Variants in CD109 observed in about 807,000 individuals in gnomAD.
CD109 encodes CD109 molecule, also known as CD109 antigen.
A neutral mutation model predicts 165.8 loss-of-function variants in CD109; 149 were observed. The ratio of observed to expected loss-of-function variants is 0.90; its 90% CI spans 0.79 to 1.03. CD109 has a LOEUF of 1.03. CD109 is among the 50% of genes least tolerant of loss of function. The pLI, the probability that CD109 is intolerant of heterozygous loss-of-function variation, is 0.00. For synonymous variants in CD109, 585 were observed against 592.1 expected (o/e 0.99, Z 0.18); for missense variants, 1,712 against 1,677.8 (o/e 1.02, Z -0.36).
At chr6:73,767,695 A>G (rs1029862681) in intron 13 of CD109, among the ~76,000 whole-genome samples, 6 of 152,168 alleles carry the variant, frequency 3.9e-5, no homozygotes, top group Admixed American at 2.6e-4. Context: ...ATATATATTC[A>G]TTATAGAAAA....
intron 15 of CD109, among the ~76,000 whole-genome samples, chr6:73,778,033 A>G (rs1219117983): frequency 6.6e-6 from 1 of 152,232 alleles, no homozygotes; most frequent in African/African-American, 2.4e-5. Context: ...GATTCTTCCT[A>G]TCCATGAGCA....
chr6:73,717,117 A>G (rs1441985257), intron 2 of CD109, among the ~76,000 whole-genome samples: 1 of 151,932 alleles, frequency 6.6e-6, no homozygotes, highest in Non-Finnish European at 1.5e-5. Flanking sequence ...TGGCTTCTCT[A>G]TTGTGTTCCA....
intron 6 of CD109, among the ~76,000 whole-genome samples, 155 bp downstream of exon 6, chr6:73,756,837 T>C (rs915827570): frequency 6.6e-6 from 1 of 152,172 alleles, no homozygotes; most frequent in African/African-American, 2.4e-5. Context: ...TTTTTTTCCT[T>C]TGTAAAAATT....
chr6:73,695,703 T>C (rs189541744), upstream of CD109: 906 of 157,596 alleles, frequency 5.7e-3, 6 homozygotes, highest in Middle Eastern at 0.041. Context: ...CGTGCGTGTG[T>C]GTGTGCGTGT....
At chr6:73,741,486 A>C (rs962352693) in intron 5 of CD109, among the ~76,000 whole-genome samples, 2 of 152,124 alleles carry the variant, frequency 1.3e-5, no homozygotes, top group Non-Finnish European at 2.9e-5. Context: ...TGAGTGTGGG[A>C]ATATGTTCTG....
chr6:73,750,371 G>A (rs1453727035), intron 5 of CD109, among the ~76,000 whole-genome samples: 1 of 152,184 alleles, frequency 6.6e-6, no homozygotes, highest in Non-Finnish European at 1.5e-5. Flanking sequence ...AGAACAGCCA[G>A]TTTTGGGAAG....
At chr6:73,753,263 C>T (rs1000347579) in intron 5 of CD109, among the ~76,000 whole-genome samples, 5 of 152,154 alleles carry the variant, frequency 3.3e-5, no homozygotes, top group African/African-American at 1.2e-4. Context: ...GAAAAGTTTG[C>T]AGATCCCTGT....
rs1775583628 is a variant in CD109 at position 73,806,844 on chromosome 6, G to T, written c.2961G>T (p.Trp987Cys). The T allele has an allele frequency of 3.7e-6, 6 of 1,610,514 alleles. No individual in the cohort carries two copies. The highest frequency in any genetic ancestry group is 4.2e-6 in the Non-Finnish European group (5 of 1,177,782). The change falls in exon 25 of 33, where the codon TGG (tryptophan) becomes TGT (cysteine). Residue 987 changes from tryptophan (W) to cysteine (C), a missense_variant and splice_region_variant. Physicochemically the swap from Trp to Cys is radical, Grantham distance 215. Transcript: ENST00000287097. Reference sequence around the variant, plus strand: ...GTAATTTTTTTCTCTTTTCATAAAGGTTGTCAGCTTTTGTTTTAAGATGTT... The same window carrying T: ...GTAATTTTTTTCTCTTTTCATAAAGTTTGTCAGCTTTTGTTTTAAGATGTT... ...FGNYDPSGSTWLSAFVLRCFL... is the reference protein window; with the variant it reads ...FGNYDPSGSTCLSAFVLRCFL...
intron 24 of CD109, among the ~76,000 whole-genome samples, chr6:73,803,697 G>GTA (rs1238011401): frequency 6.6e-6 from 1 of 151,884 alleles, no homozygotes; most frequent in African/African-American, 2.4e-5. Flanking sequence ...GTTTGTGTGT[G>GTA]TGTGTGTGTG....
In CD109 at chr6:73,730,334, T is replaced by C. The variant is rs1177333799; in HGVS notation, c.277-10T>C. On this transcript the variant is annotated splice_polypyrimidine_tract_variant and intron_variant, in intron 3 of 32. Transcript: ENST00000287097. ...TGAGACCTTGATGTGTGATCTCTTTTTCCCCCCAGCTACCTCTGAACAGTG... is the reference window on the plus strand; with the variant it reads ...TGAGACCTTGATGTGTGATCTCTTTCTCCCCCCAGCTACCTCTGAACAGTG... 9 of 1,552,848 alleles carry C rather than the reference T, an allele frequency of 5.8e-6. No individual in the cohort carries two copies. The highest frequency in any genetic ancestry group is 5.3e-5 in the Admixed American group (3 of 56,948).
intron 28 of CD109, 125 bp downstream of exon 28, chr6:73,811,272 A>G: frequency 9.0e-7 from 1 of 1,108,310 alleles, no homozygotes; most frequent in Non-Finnish European, 1.2e-6. Flanking sequence ...AGTAATAGGG[A>G]GAAGTGGTGC....
chr6:73,777,095 A>G (rs1025739426), intron 15 of CD109, among the ~76,000 whole-genome samples: 2 of 115,858 alleles, frequency 1.7e-5, no homozygotes, highest in African/African-American at 3.8e-5. Context: ...AGTAGCTGGA[A>G]TTACAGGCAT....
intron 2 of CD109, among the ~76,000 whole-genome samples, chr6:73,705,488 A>G (rs1311588070): frequency 6.6e-6 from 1 of 152,072 alleles, no homozygotes; most frequent in Admixed American, 6.6e-5. Context: ...AAAAATAAAA[A>G]AAAGGTAGCT....
the CD109 span, among the ~76,000 whole-genome samples, chr6:73,690,660 C>T: frequency 6.6e-6 from 1 of 152,128 alleles, no homozygotes; most frequent in African/African-American, 2.4e-5. Context: ...CTCGGCCTCC[C>T]AAGTGCTGGG....
At position 73,762,422 on chromosome 6, in the gene CD109, T is replaced by C; in HGVS notation, c.797T>C (p.Leu266Pro). The C allele has an allele frequency of 6.2e-7, 1 of 1,612,236 alleles. No individual in the cohort carries two copies. The highest frequency in any genetic ancestry group is 1.1e-5 in the South Asian group (1 of 90,918). The part of the protein sequence containing the change: ...YGKPVKGDVT[L>P]TFLPLSFWGK... ...AAGCCAGTGAAAGGAGACGTAACGC[T>C]TACATTTTTACCTTTATCCTTTTGG... Residue 266 changes from leucine to proline, a missense_variant, in exon 8 of 33, where the codon CTT becomes CCT. By Grantham distance (98) the Leu-to-Pro change is moderately conservative (BLOSUM62 -3). Coordinates refer to ENST00000287097, the MANE Select transcript of CD109 (RefSeq NM_133493.5).
At chr6:73,705,651 A>AAGAAAAGAAAAGAAAAGAAT (rs571181284) in intron 2 of CD109, among the ~76,000 whole-genome samples, 12 of 146,686 alleles carry the variant, frequency 8.2e-5, no homozygotes, top group Non-Finnish European at 1.2e-4. Context: ...AAGAAAAGAA[A>AAGAAAAGAAAAGAAAAGAAT]AGAATAGAAT....
the CD109 span, among the ~76,000 whole-genome samples, chr6:73,681,088 C>T: frequency 6.6e-6 from 1 of 152,236 alleles, no homozygotes; most frequent in Admixed American, 6.5e-5. Flanking sequence ...AGTGCTCCCT[C>T]GTAAGACAAG....
At position 73,696,213 on chromosome 6, in the gene CD109, G is replaced by T. The variant is rs1277217863; in HGVS notation, c.-3G>T. On this transcript the variant is annotated 5_prime_UTR_variant, in exon 1 of 33. Coordinates refer to ENST00000287097, the MANE Select transcript of CD109 (RefSeq NM_133493.5). ...GACTGTAGCCCAGGCAGACGCCGTC[G>T]AGATGCAGGGCCCACCGCTCCTGAC... The T allele has an allele frequency of 6.5e-7, 1 of 1,546,102 alleles. No individual in the cohort carries two copies.
intron 5 of CD109, among the ~76,000 whole-genome samples, chr6:73,738,797 C>T (rs770019569): frequency 1.2e-4 from 18 of 152,176 alleles, no homozygotes; most frequent in East Asian, 1.9e-4. Flanking sequence ...TTAAACTCAC[C>T]GATCTGTCTC....
Sources: gnomAD v4.1 joint callset for allele counts (sites outside exome capture counted in the v4.1 genomes callset) on GRCh38, gnomAD v4.1.1 for gene constraint, MANE v1.5 for transcripts, NCBI Gene and HGNC (gene_info 2026-07-23, HGNC 2026-07-21) for gene names.